Variants in STRN observed in about 807,000 individuals in gnomAD.
The protein encoded by STRN is protein phosphatase 2 regulatory subunit B'''alpha.
A neutral mutation model predicts 96.3 loss-of-function variants in STRN; 53 were observed. The ratio of observed to expected loss-of-function variants is 0.55; its 90% CI spans 0.44 to 0.69. The LOEUF (loss-of-function observed/expected upper bound fraction) is 0.69. Ranked by LOEUF, STRN falls within the 30% of genes least tolerant of loss-of-function variation. The pLI, the probability that STRN is intolerant of heterozygous loss-of-function variation, is 0.00. For synonymous variants in STRN, 428 were observed against 355.9 expected (o/e 1.20, Z -2.28); for missense variants, 987 against 963.9 (o/e 1.02, Z -0.32).
intron 9 of STRN, among the ~76,000 whole-genome samples, chr2:36,878,954 T>C (rs968782917): frequency 2.0e-5 from 3 of 151,950 alleles, no homozygotes; most frequent in Non-Finnish European, 4.4e-5. Flanking sequence ...GGTTTCACCA[T>C]GTTGGCCAGG....
At chr2:36,927,771 A>G (rs1302336590) in intron 1 of STRN, among the ~76,000 whole-genome samples, 1 of 152,270 alleles carries the variant, frequency 6.6e-6, no homozygotes, top group East Asian at 1.9e-4. Flanking sequence ...TTTAAATGTT[A>G]GCTGTGGTGA....
At chr2:36,958,244 C>T (rs1454331410) in intron 1 of STRN, among the ~76,000 whole-genome samples, 1 of 152,014 alleles carries the variant, frequency 6.6e-6, no homozygotes, top group Non-Finnish European at 1.5e-5. Context: ...TCAAGGACAG[C>T]AGGCGGCACA....
chr2:36,881,625 T>C (rs1397697770), intron 9 of STRN, among the ~76,000 whole-genome samples: 1 of 152,202 alleles, frequency 6.6e-6, no homozygotes, highest in Non-Finnish European at 1.5e-5. Flanking sequence ...TTAGGACCAC[T>C]GCTGCAGATA....
intron 9 of STRN, among the ~76,000 whole-genome samples, chr2:36,883,272 T>C (rs1263848616): frequency 6.6e-6 from 1 of 152,122 alleles, no homozygotes; most frequent in Non-Finnish European, 1.5e-5. Context: ...CTGGCCAACA[T>C]GGCAAAACCC....
At chr2:36,940,935 T>C (rs1400585467) in intron 1 of STRN, among the ~76,000 whole-genome samples, 3 of 151,740 alleles carry the variant, frequency 2.0e-5, no homozygotes, top group African/African-American at 4.8e-5. Context: ...GGTGGATTAC[T>C]GAAGATCAAG....
At chr2:36,896,993 C>T (rs2148192527) in intron 6 of STRN, among the ~76,000 whole-genome samples, 1 of 152,110 alleles carries the variant, frequency 6.6e-6, no homozygotes, top group East Asian at 1.9e-4. Flanking sequence ...CATGGAGAAA[C>T]CCTGTCTCTA....
chr2:36,966,075 G>A (rs1409702218), intron 1 of STRN, among the ~76,000 whole-genome samples, 155 bp downstream of exon 1: 1 of 150,234 alleles, frequency 6.7e-6, no homozygotes, highest in African/African-American at 2.4e-5. Context: ...AAGGCAAAAG[G>A]CGAAGAGAAG....
At chr2:36,935,884 ATTTT>A (rs948799225) in intron 1 of STRN, among the ~76,000 whole-genome samples, 1 of 152,206 alleles carries the variant, frequency 6.6e-6, no homozygotes, top group Admixed American at 6.5e-5. Flanking sequence ...ACCTTTGAAC[ATTTT>A]TTTAATTCTC....
At chr2:36,889,727 T>A (rs932132381) in intron 7 of STRN, among the ~76,000 whole-genome samples, 1 of 152,124 alleles carries the variant, frequency 6.6e-6, no homozygotes, top group African/African-American at 2.4e-5. Context: ...GTTAATTTGT[T>A]AAAAGTGAAC....
intron 12 of STRN, among the ~76,000 whole-genome samples, chr2:36,866,352 C>T (rs1051580186): frequency 3.9e-5 from 6 of 152,190 alleles, no homozygotes; most frequent in Non-Finnish European, 8.8e-5. Context: ...CAAGCATGAG[C>T]CCCTGCACCC....
rs373696675 is a variant in STRN at position 36,925,151 on chromosome 2, G to T, written c.292C>A (p.Leu98Ile). The change falls in exon 2 of 18, where the codon CTT (leucine) becomes ATT (isoleucine). Residue 98 changes from leucine (L) to isoleucine (I), a missense_variant. Physicochemically the swap from Leu to Ile is conservative, Grantham distance 5 (BLOSUM62 2). Transcript: ENST00000263918. Reference sequence around the variant, plus strand: ...TCCAACATTTTGATCCTCCTCACAAGATCCTTCTTCAAATTTTCTTGGCCC... The same window carrying T: ...TCCAACATTTTGATCCTCCTCACAATATCCTTCTTCAAATTTTCTTGGCCC... ...RKGQENLKKD[L>I]VRRIKMLEYA... is the part of the protein sequence containing the mutation. 79 of 1,613,768 alleles carry T rather than the reference G, an allele frequency of 4.9e-5. No homozygotes were observed. Among genetic ancestry groups the T allele is most frequent in the Non-Finnish European group, 4.6e-5 (54 of 1,179,840 alleles).
rs1667896449 is a variant in STRN, at chr2:36,839,481, A to G, written c.*9975T>C. 6.6e-6 allele frequency among the ~76,000 whole-genome samples: 1 copy of G among 152,238 alleles called. No homozygotes were observed. Among genetic ancestry groups the G allele is most frequent in the Non-Finnish European group, 1.5e-5 (1 of 68,048 alleles). ...AAGCTATCAGGAGTGTGACCGAACT[A>G]CATGACCAGAAGTCTGTATTCAGAG... On this transcript the variant is annotated 3_prime_UTR_variant, in exon 18 of 18. Transcript: ENST00000263918.
At chr2:36,885,654 A>G (rs1258175735) in intron 8 of STRN, among the ~76,000 whole-genome samples, 1 of 152,154 alleles carries the variant, frequency 6.6e-6, no homozygotes, top group African/African-American at 2.4e-5. Context: ...TTTCTAAAAT[A>G]TTTTAAATAA....
intron 12 of STRN, among the ~76,000 whole-genome samples, chr2:36,861,668 CAA>C (rs1409808542): frequency 1.3e-5 from 2 of 151,504 alleles, no homozygotes; most frequent in Non-Finnish European, 2.9e-5. Context: ...TGTGCTAAAT[CAA>C]GAGAAAAGGC....
intron 3 of STRN, among the ~76,000 whole-genome samples, 198 bp downstream of exon 3, chr2:36,915,880 G>A (rs562639489): frequency 1.4e-4 from 21 of 152,298 alleles, no homozygotes; most frequent in African/African-American, 5.1e-4. Flanking sequence ...GGAACTAAAA[G>A]AAAGGGGAAG....
Position 36,897,445 on chromosome 2 carries a change from A to AT in STRN, c.795+2077dup, listed in dbSNP as rs70946961. ...AAAAAAAACTAAAAAATATATATAT[A>AT]TTTTTTTTTTGAGACAGTCTCGCTC... On this transcript the variant is annotated intron_variant, in intron 6 of 17. Transcript: ENST00000263918. 5.8e-3 allele frequency among the ~76,000 whole-genome samples: 873 copies of AT among 149,752 alleles called. 5 individuals are homozygous for AT. The highest frequency in any genetic ancestry group is 8.8e-3 in the Non-Finnish European group (593 of 67,574).
At chr2:36,893,857 T>C in intron 7 of STRN, 41 bp downstream of exon 7, 1 of 1,555,862 alleles carries the variant, frequency 6.4e-7, no homozygotes, top group African/African-American at 1.4e-5. Flanking sequence ...ATTTCTTTTA[T>C]TTACTTAACA....
chr2:36,901,850 G>A (rs1329665376), intron 5 of STRN, among the ~76,000 whole-genome samples: 1 of 152,048 alleles, frequency 6.6e-6, no homozygotes, highest in Non-Finnish European at 1.5e-5. Context: ...CAAATAGCAG[G>A]AACTATCTTC....
In STRN at chr2:36,902,593, G is replaced by A; in HGVS notation, c.650C>T (p.Ala217Val). 1.9e-6 allele frequency: 3 copies of A among 1,602,046 alleles called. No individual in the cohort carries two copies. Among genetic ancestry groups the A allele is most frequent in the Non-Finnish European group, 2.6e-6 (3 of 1,172,842 alleles). The change falls in exon 5 of 18, where the codon GCA (alanine) becomes GTA (valine). Residue 217 changes from alanine (A) to valine (V), a missense_variant. Ala to Val is a moderately conservative substitution (Grantham distance 64). Coordinates refer to ENST00000263918, the MANE Select transcript of STRN (RefSeq NM_003162.4). Reference protein sequence around the residue: ...NGTEAEVKETAMIAKSELTDS... With the variant: ...NGTEAEVKETVMIAKSELTDS... ...CAGACAAAATACTTACGCAATCATT[G>A]CTGTCTCTTTAACTTCAGCCTCTGT...
Sources: gnomAD v4.1 joint callset for allele counts (sites outside exome capture counted in the v4.1 genomes callset) on GRCh38, gnomAD v4.1.1 for gene constraint, MANE v1.5 for transcripts, NCBI Gene and HGNC (gene_info 2026-07-23, HGNC 2026-07-21) for gene names.